The following ARL6IP6 variants were observed in gnomAD, a reference collection of about 807,000 sequenced individuals.
The protein encoded by ARL6IP6 is ARF like GTPase 6 interacting protein 6, also known as ADP-ribosylation factor-like protein 6-interacting protein 6.
In ARL6IP6, 22 loss-of-function variants were observed where a neutral mutation model predicts 21.5. That is an observed-to-expected ratio of 1.02 (90% CI 0.73 to 1.46). The LOEUF is 1.46. ARL6IP6 is among the 40% of genes most tolerant of loss of function. The probability of loss-of-function intolerance (pLI) is 0.00; values close to 1 mark genes in which losing one functional copy is unlikely to be tolerated. For synonymous variants in ARL6IP6, 164 were observed against 125.3 expected (o/e 1.31, Z -2.06); for missense variants, 388 against 299.8 (o/e 1.29, Z -2.17).
At chr2:152,739,035 T>G (rs1559234219) in intron 3 of ARL6IP6, among the ~76,000 whole-genome samples, 2 of 151,532 alleles carry the variant, frequency 1.3e-5, no homozygotes, top group Non-Finnish European at 2.9e-5. Flanking sequence ...CAGGCTGGAG[T>G]GCAGTGGCGT....
Position 152,759,983 on chromosome 2 carries a change from A to G in ARL6IP6, c.*143A>G, listed in dbSNP as rs1701761519. ...GATATTTATCACAATCATCCTCATT[A>G]TGGAAGACCTTTTAAAGCATTGTTT... On this transcript the variant is annotated 3_prime_UTR_variant, in exon 4 of 4. Coordinates refer to ENST00000326446, the MANE Select transcript of ARL6IP6 (RefSeq NM_152522.7). The G allele has an allele frequency of 9.3e-6, 6 of 645,378 alleles. No homozygotes were observed. The highest frequency in any genetic ancestry group is 5.9e-5 in the South Asian group (3 of 51,152). The allele number at this position is 645,378 out of a possible 1,614,324, so 40.0% of individuals were successfully genotyped here.
chr2:152,718,956 T>C lies in ARL6IP6; in HGVS notation c.332T>C (p.Ile111Thr), dbSNP rs1008648592. ...CGGTGGCCGGTCCAGGTCCTCTCTA[T>C]TCTCTGCTCGCTGCTCTTCGCCATT... ...PRRWPVQVLS[I>T]LCSLLFAILL... The change falls in exon 1 of 4, where the codon ATT becomes ACT. Residue 111 changes from isoleucine to threonine, a missense_variant. Ile to Thr is a moderately conservative substitution (Grantham distance 89, BLOSUM62 -1). Transcript: ENST00000326446. 5.6e-6 allele frequency: 9 copies of C among 1,606,710 alleles called. No individual in the cohort carries two copies. The highest frequency in any genetic ancestry group is 6.8e-6 in the Non-Finnish European group (8 of 1,176,202).
Position 152,718,877 on chromosome 2 carries a change from G to A in ARL6IP6, c.253G>A (p.Asp85Asn), listed in dbSNP as rs1332863409. Residue 85 changes from aspartate (D) to asparagine (N), a missense_variant, in exon 1 of 4, where the codon GAT (aspartate) becomes AAT (asparagine). By Grantham distance (23) the Asp-to-Asn change is conservative (BLOSUM62 1). Coordinates refer to ENST00000326446, the MANE Select transcript of ARL6IP6 (RefSeq NM_152522.7). Reference sequence around the variant, plus strand: ...CGGGAACGGGTCGCCCGTTCTGCCCGATAAGCGCAATGGTATCTTTCCCGC... The same window carrying A: ...CGGGAACGGGTCGCCCGTTCTGCCCAATAAGCGCAATGGTATCTTTCCCGC... ...PDGNGSPVLP[D>N]KRNGIFPAAA... 3 of 1,613,812 alleles carry A rather than the reference G, an allele frequency of 1.9e-6. No homozygotes were observed. The highest frequency in any genetic ancestry group is 2.7e-5 in the African/African-American group (2 of 75,066).
At chr2:152,744,539 A>G (rs1397505614) in intron 3 of ARL6IP6, among the ~76,000 whole-genome samples, 4 of 152,168 alleles carry the variant, frequency 2.6e-5, no homozygotes. Flanking sequence ...GGCATATGCC[A>G]AGGTAAAGAG....
chr2:152,755,635 C>T (rs1206136760), intron 3 of ARL6IP6, among the ~76,000 whole-genome samples: 5 of 152,234 alleles, frequency 3.3e-5, no homozygotes, highest in Non-Finnish European at 7.3e-5. Context: ...GGACACGTGA[C>T]CCACGTAACC....
intron 3 of ARL6IP6, among the ~76,000 whole-genome samples, chr2:152,739,611 C>T (rs1399050229): frequency 6.6e-6 from 1 of 152,158 alleles, no homozygotes; most frequent in African/African-American, 2.4e-5. Context: ...TCTTCTTCTG[C>T]ACCCTCCAAA....
At chr2:152,717,771 G>A (rs951619285), upstream of ARL6IP6, 45 of 1,231,342 alleles carry the variant, frequency 3.7e-5, no homozygotes, top group African/African-American at 6.6e-4. Context: ...CGTAGGGGGT[G>A]GGGCAGTGGG....
At chr2:152,756,398 T>C (rs1044326704) in intron 3 of ARL6IP6, among the ~76,000 whole-genome samples, 1 of 152,156 alleles carries the variant, frequency 6.6e-6, no homozygotes, top group African/African-American at 2.4e-5. Flanking sequence ...AATATCTTCA[T>C]AACCTTGGAG....
chr2:152,734,929 A>G, intron 2 of ARL6IP6, 65 bp from the exon 3 acceptor site: 1 of 1,470,342 alleles, frequency 6.8e-7, no homozygotes, highest in Non-Finnish European at 9.5e-7. Flanking sequence ...ACATGAGAGT[A>G]CTGGTTTAAT....
At chr2:152,750,455 G>A (rs1701271732) in intron 3 of ARL6IP6, among the ~76,000 whole-genome samples, 1 of 144,594 alleles carries the variant, frequency 6.9e-6, no homozygotes, top group Admixed American at 7.0e-5. Flanking sequence ...CAGACCAGGT[G>A]ACAGAGCAAG....
At position 152,753,894 on chromosome 2, in the gene ARL6IP6, G is replaced by A. The variant is rs1200055498; in HGVS notation, c.588-5853G>A. Among the ~76,000 whole-genome samples, 4 of 151,588 alleles carry A rather than the reference G, an allele frequency of 2.6e-5. No individual in the cohort carries two copies. In the South Asian group the frequency reaches 8.3e-4, roughly 32 times the overall value. On this transcript the variant is annotated intron_variant, in intron 3 of 3. Coordinates refer to ENST00000326446, the MANE Select transcript of ARL6IP6 (RefSeq NM_152522.7). ...TTTTTTGTATTTTTAGTAGAGACGGGGTTTCACCATGTTAGCCAAGATGGT... is the reference window on the plus strand; with the variant it reads ...TTTTTTGTATTTTTAGTAGAGACGGAGTTTCACCATGTTAGCCAAGATGGT...
Position 152,759,941 on chromosome 2 carries a change from G to A in ARL6IP6, c.*101G>A. The A allele has an allele frequency of 1.1e-6, 1 of 915,848 alleles. No homozygotes were observed. The highest frequency in any genetic ancestry group is 1.8e-6 in the Non-Finnish European group (1 of 567,794). 56.7% of individuals were successfully genotyped at this position (915,848 alleles called of 1,614,324 possible). On this transcript the variant is annotated 3_prime_UTR_variant, in exon 4 of 4. Transcript: ENST00000326446. ...TACTCAGAAGACTGAGAAACCTGCTGTTCATTATGTAGTTCAGATATTTAT... is the reference window on the plus strand; with the variant it reads ...TACTCAGAAGACTGAGAAACCTGCTATTCATTATGTAGTTCAGATATTTAT...
chr2:152,758,847 G>A (rs1459641901), intron 3 of ARL6IP6, among the ~76,000 whole-genome samples: 1 of 152,132 alleles, frequency 6.6e-6, no homozygotes, highest in Non-Finnish European at 1.5e-5. Flanking sequence ...AGGAGGAGAG[G>A]ATATGGGTAT....
At chr2:152,740,947 G>A (rs1700780073) in intron 3 of ARL6IP6, among the ~76,000 whole-genome samples, 1 of 152,098 alleles carries the variant, frequency 6.6e-6, no homozygotes, top group Admixed American at 6.5e-5. Context: ...TATTCTCTAT[G>A]TCACCAGTAG....
At position 152,761,832 on chromosome 2, in the gene ARL6IP6, C is replaced by G. The variant is rs1018473114; in HGVS notation, c.*1992C>G. 6.6e-6 allele frequency among the ~76,000 whole-genome samples: 1 copy of G among 152,098 alleles called. No individual in the cohort carries two copies. Among genetic ancestry groups the G allele is most frequent in the African/African-American group, 2.4e-5 (1 of 41,416 alleles). On this transcript the variant is annotated 3_prime_UTR_variant, in exon 4 of 4. Transcript: ENST00000326446. Reference sequence around the variant, plus strand: ...GTGTAAGTATACTCTGATGTTCACACAATGATGAAATTGCCTAATGACGCT... The same window carrying G: ...GTGTAAGTATACTCTGATGTTCACAGAATGATGAAATTGCCTAATGACGCT...
At chr2:152,751,439 T>C (rs551087816) in intron 3 of ARL6IP6, among the ~76,000 whole-genome samples, 34 of 152,314 alleles carry the variant, frequency 2.2e-4, no homozygotes, top group African/African-American at 7.7e-4. Context: ...ACACTAGAAG[T>C]CATTCCTCCT....
At chr2:152,742,406 A>G (rs555294363) in intron 3 of ARL6IP6, among the ~76,000 whole-genome samples, 9 of 152,066 alleles carry the variant, frequency 5.9e-5, no homozygotes, top group African/African-American at 1.7e-4. Context: ...TGCCTCTACA[A>G]AAAATTTTAA....
chr2:152,739,414 G>A (rs538746743), intron 3 of ARL6IP6, among the ~76,000 whole-genome samples: 1 of 152,340 alleles, frequency 6.6e-6, no homozygotes, highest in African/African-American at 2.4e-5. Context: ...AGCAGGGGCA[G>A]AATGCTCCCA....
In ARL6IP6 at chr2:152,718,979, ATTC is replaced by A. The variant is rs1356248472; in HGVS notation, c.360_362del (p.Leu121del). On this transcript the variant is annotated inframe_deletion, in exon 1 of 4. Transcript: ENST00000326446. ...TATTCTCTGCTCGCTGCTCTTCGCCATTCTTCTCGCCTTCCTCCTCGCCATCGC... is the reference window on the plus strand; with the variant it reads ...TATTCTCTGCTCGCTGCTCTTCGCCATTCTCGCCTTCCTCCTCGCCATCGC... The A allele has an allele frequency of 1.3e-6, 2 of 1,590,296 alleles. No homozygotes were observed. The highest frequency in any genetic ancestry group is 1.1e-5 in the South Asian group (1 of 88,162).
Sources: allele counts gnomAD v4.1 joint callset (sites outside exome capture counted in the v4.1 genomes callset), GRCh38; gene constraint gnomAD v4.1.1; transcripts MANE v1.5; gene names NCBI Gene and HGNC (gene_info 2026-07-23, HGNC 2026-07-21).